The following PHACTR1 variants were observed in gnomAD, a reference collection of about 807,000 sequenced individuals.
PHACTR1 encodes phosphatase and actin regulator 1, also known as RPEL repeat containing 1.
In PHACTR1, 16 loss-of-function variants were observed where a neutral mutation model predicts 69.2. The observed-to-expected ratio is 0.23, with a 90% CI of 0.16 to 0.35. The LOEUF (loss-of-function observed/expected upper bound fraction) is 0.35, where lower values mean the gene tolerates loss of function less well. PHACTR1 is among the 10% of genes least tolerant of loss of function. PHACTR1 has a pLI of 1.00. For synonymous variants in PHACTR1, 312 were observed against 284.5 expected (o/e 1.10, Z -0.97); for missense variants, 510 against 734.7 (o/e 0.69, Z 3.54).
chr6:12,953,868 T>C (rs1191028732), intron 4 of PHACTR1, among the ~76,000 whole-genome samples: 1 of 152,242 alleles, frequency 6.6e-6, no homozygotes, highest in Non-Finnish European at 1.5e-5. Flanking sequence ...AATACTCTTA[T>C]GTCCCAAGGT....
chr6:12,740,313 T>C (rs1764873927), intron 3 of PHACTR1, among the ~76,000 whole-genome samples: 1 of 152,216 alleles, frequency 6.6e-6, no homozygotes, highest in Non-Finnish European at 1.5e-5. Flanking sequence ...TGTTTACCCA[T>C]GTTTATGTAA....
rs9463089 is a variant in PHACTR1, at chr6:12,765,730, G to C, written c.250+15940G>C. Among the ~76,000 whole-genome samples the C allele has an allele frequency of 4.1e-3, 628 of 152,192 alleles. 4 individuals are homozygous for C. The highest frequency in any genetic ancestry group is 0.015 in the African/African-American group (607 of 41,520). ...AGACCTGATGTTCTCTATAGGGTTT[G>C]TGTTTAGGTCATATGGAAAGAAAGG... On this transcript the variant is annotated intron_variant, in intron 4 of 14. Coordinates refer to ENST00000332995, the MANE Select transcript of PHACTR1 (RefSeq NM_030948.6).
chr6:13,171,577 G>A (rs1006956580), intron 6 of PHACTR1, among the ~76,000 whole-genome samples: 3 of 152,290 alleles, frequency 2.0e-5, no homozygotes, highest in Admixed American at 6.5e-5. Flanking sequence ...CTCTAGCTAC[G>A]TGTGGTGGTG....
chr6:13,109,833 C>CGTGTGTGTGTGTGTGTGTGTGTGT (rs58370068), intron 5 of PHACTR1, among the ~76,000 whole-genome samples: 1 of 146,080 alleles, frequency 6.8e-6, no homozygotes, highest in African/African-American at 2.5e-5. Context: ...ATTTTTTCAG[C>CGTGTGTGTGTGTGTGTGTGTGTGT]GTGTGTGTGT....
intron 5 of PHACTR1, among the ~76,000 whole-genome samples, chr6:13,109,751 T>C (rs1052619510): frequency 6.6e-6 from 1 of 152,074 alleles, no homozygotes; most frequent in Non-Finnish European, 1.5e-5. Flanking sequence ...TCTCTCCTTT[T>C]CTTTTGGAAT....
chr6:13,203,510 GTCATTCCTGCTATCA>G (rs1241961161), intron 7 of PHACTR1, among the ~76,000 whole-genome samples: 1 of 152,128 alleles, frequency 6.6e-6, no homozygotes, highest in African/African-American at 2.4e-5. Flanking sequence ...CATGACTGTC[GTCATTCCTGCTATCA>G]TCATTAACAC....
At chr6:12,797,036 T>TGA (rs1464021731) in intron 4 of PHACTR1, among the ~76,000 whole-genome samples, 5 of 108,030 alleles carry the variant, frequency 4.6e-5, no homozygotes, top group African/African-American at 9.6e-5. Context: ...TGTGTGTGTG[T>TGA]GTGTGAGAGA....
intron 4 of PHACTR1, among the ~76,000 whole-genome samples, chr6:12,944,787 A>ATTTATTATTT (rs1554172585): frequency 6.0e-5 from 7 of 116,340 alleles, no homozygotes; most frequent in African/African-American, 2.3e-4. Flanking sequence ...ATTTTTATTT[A>ATTTATTATTT]TTTTTTTTTT....
At chr6:12,896,057 T>C (rs1784635498) in intron 4 of PHACTR1, among the ~76,000 whole-genome samples, 1 of 152,220 alleles carries the variant, frequency 6.6e-6, no homozygotes, top group South Asian at 2.1e-4. Flanking sequence ...TGCATGCTAA[T>C]GCTGACTGGA....
intron 4 of PHACTR1, among the ~76,000 whole-genome samples, chr6:12,830,848 G>A (rs953081976): frequency 5.3e-5 from 8 of 151,912 alleles, no homozygotes; most frequent in East Asian, 3.9e-4. Context: ...CACCCGTCTC[G>A]GCCTCCCAAA....
intron 4 of PHACTR1, among the ~76,000 whole-genome samples, chr6:12,868,551 T>C (rs1781707697): frequency 6.7e-6 from 1 of 149,998 alleles, no homozygotes; most frequent in African/African-American, 2.5e-5. Context: ...TTCACCAAAA[T>C]AGCACTTGGG....
chr6:12,965,053 C>G (rs1241069109), intron 4 of PHACTR1, among the ~76,000 whole-genome samples: 1 of 152,182 alleles, frequency 6.6e-6, no homozygotes, highest in East Asian at 1.9e-4. Flanking sequence ...TCCTCACACA[C>G]AGTTTAAATC....
intron 4 of PHACTR1, among the ~76,000 whole-genome samples, chr6:12,812,492 G>A (rs1415662763): frequency 6.6e-6 from 1 of 152,180 alleles, no homozygotes; most frequent in Non-Finnish European, 1.5e-5. Flanking sequence ...GTTAAAAGAA[G>A]CGAAGTGTCT....
At chr6:13,166,980 G>A (rs997251190) in intron 6 of PHACTR1, among the ~76,000 whole-genome samples, 5 of 152,204 alleles carry the variant, frequency 3.3e-5, no homozygotes, top group African/African-American at 1.2e-4. Context: ...TAATAAAATA[G>A]TGATAATATT....
At chr6:13,131,184 C>CAT (rs1820366529) in intron 5 of PHACTR1, among the ~76,000 whole-genome samples, 1 of 61,170 alleles carries the variant, frequency 1.6e-5, no homozygotes, top group Admixed American at 1.9e-4. Context: ...TATATACACA[C>CAT]ACACACACAT....
intron 4 of PHACTR1, among the ~76,000 whole-genome samples, chr6:12,823,444 A>G (rs1388228771): frequency 1.3e-5 from 2 of 152,232 alleles, no homozygotes; most frequent in African/African-American, 4.8e-5. Context: ...AAAAAAATCA[A>G]TAAGACTCGT....
At chr6:13,004,213 TG>T in intron 4 of PHACTR1, among the ~76,000 whole-genome samples, 1 of 151,832 alleles carries the variant, frequency 6.6e-6, no homozygotes, top group Non-Finnish European at 1.5e-5. Flanking sequence ...CCATAGAGGT[TG>T]TATTAATTTA....
chr6:12,980,454 A>G (rs1795381029), intron 4 of PHACTR1, among the ~76,000 whole-genome samples: 1 of 152,108 alleles, frequency 6.6e-6, no homozygotes, highest in Admixed American at 6.5e-5. Context: ...AAGTGATATT[A>G]TATGCTCCCA....
chr6:13,141,616 G>A (rs770741939), intron 5 of PHACTR1, among the ~76,000 whole-genome samples: 2 of 152,062 alleles, frequency 1.3e-5, no homozygotes, highest in African/African-American at 2.4e-5. Context: ...GAGGATGATG[G>A]CGTTCTGTAA....
Sources: allele counts gnomAD v4.1 joint callset (sites outside exome capture counted in the v4.1 genomes callset), GRCh38; gene constraint gnomAD v4.1.1; transcripts MANE v1.5; gene names NCBI Gene and HGNC (gene_info 2026-07-23, HGNC 2026-07-21).